NCOA7: variants seen among roughly 807,000 people sequenced by gnomAD.
NCOA7 encodes the protein 140 kDa estrogen receptor-associated protein.
A neutral mutation model predicts 104.3 loss-of-function variants in NCOA7; 45 were observed. The observed-to-expected ratio is 0.43, with a 90% confidence interval of 0.34 to 0.55. The LOEUF is 0.55. Among genes scored for constraint, NCOA7 ranks in the 20% least tolerant of loss-of-function variants. The pLI is 0.02. For missense variants in NCOA7, 1,041 were observed against 1,119.7 expected (o/e 0.93, Z 1.00); for synonymous variants, 398 against 402.3 (o/e 0.99, Z 0.13).
chr6:125,842,548 G>A (rs1322942844), intron 2 of NCOA7, among the ~76,000 whole-genome samples: 1 of 152,054 alleles, frequency 6.6e-6, no homozygotes, highest in Non-Finnish European at 1.5e-5. Flanking sequence ...ATTTAAAAAG[G>A]TTTCCTTTAC....
chr6:125,842,194 T>A (rs1290410237), intron 2 of NCOA7, among the ~76,000 whole-genome samples: 1 of 152,242 alleles, frequency 6.6e-6, no homozygotes, highest in African/African-American at 2.4e-5. Flanking sequence ...TATACTAAAC[T>A]GATTCGTTTC....
intron 10 of NCOA7, among the ~76,000 whole-genome samples, chr6:125,897,495 T>G (rs892918497): frequency 2.0e-5 from 3 of 152,214 alleles, no homozygotes; most frequent in Admixed American, 2.0e-4. Context: ...TTATTTTCTA[T>G]TCTCTATTAT....
rs1020734949 is a variant in NCOA7 at position 125,862,937 on chromosome 6, G to A, written c.271+7697G>A. ...TTGAACCCAGGATGCAGAGGTTGCA[G>A]TGAGTCAAGATTGTGCCACTGCATA... On this transcript the variant is annotated intron_variant, in intron 3 of 15. Coordinates refer to ENST00000392477, the MANE Select transcript of NCOA7 (RefSeq NM_181782.5). Among the ~76,000 whole-genome samples the A allele has an allele frequency of 1.4e-5, 2 of 139,134 alleles. 1 individual carries two copies. Among genetic ancestry groups the A allele is most frequent in the African/African-American group, 6.0e-5 (2 of 33,528 alleles). The allele number at this position is 139,134 out of a possible 152,430, so 91.3% of individuals were successfully genotyped here. A position where few individuals can be genotyped will look rare whatever the true frequency, so the allele number is the denominator to read the frequency against.
At chr6:125,908,986 C>T (rs1448993350) in intron 10 of NCOA7, among the ~76,000 whole-genome samples, 1 of 152,230 alleles carries the variant, frequency 6.6e-6, no homozygotes, top group Non-Finnish European at 1.5e-5. Context: ...TGCATGAACT[C>T]AGCATTCTCA....
Position 125,915,400 on chromosome 6 carries a change from C to T in NCOA7, c.2164C>T (p.Gln722Ter), listed in dbSNP as rs781556564. The change falls in exon 11 of 16, where the codon CAA (glutamine) becomes TAA (stop). Residue 722 changes from glutamine to a stop codon, truncating the protein, a stop_gained. Coordinates refer to ENST00000392477, the MANE Select transcript of NCOA7 (RefSeq NM_181782.5). LOFTEE classifies it high-confidence loss of function. ...TGTCTATGGAAAAGATGCCAAAGAG[C>T]AAGGCTTTGTGGTGGTGGAGAAGGA... ...PDVYGKDAKE[Q>*]GFVVVEKEEL... 1 of 1,613,846 alleles carries T rather than the reference C, an allele frequency of 6.2e-7. No homozygotes were observed. Among genetic ancestry groups the T allele is most frequent in the Non-Finnish European group, 8.5e-7 (1 of 1,179,820 alleles).
chr6:125,901,946 T>G (rs1785541484), intron 10 of NCOA7, among the ~76,000 whole-genome samples: 1 of 152,134 alleles, frequency 6.6e-6, no homozygotes, highest in African/African-American at 2.4e-5. Flanking sequence ...CGACCAAACT[T>G]CTCTCTGACT....
chr6:125,900,581 G>A (rs1370593259), intron 10 of NCOA7, among the ~76,000 whole-genome samples: 2 of 152,148 alleles, frequency 1.3e-5, no homozygotes, highest in African/African-American at 4.8e-5. Context: ...TGTACATTGT[G>A]AAATATACAT....
At chr6:125,836,742 T>G (rs528774300) in intron 2 of NCOA7, among the ~76,000 whole-genome samples, 6 of 152,118 alleles carry the variant, frequency 3.9e-5, no homozygotes, top group Non-Finnish European at 8.8e-5. Context: ...TAAAACCACA[T>G]AAACAAGTAC....
rs184653918 is a variant in NCOA7, at chr6:125,830,133, T to G, written c.50+14729T>G. On this transcript the variant is annotated intron_variant, in intron 2 of 15. Transcript: ENST00000392477. ...TTAGAGGGAAGTTGTTTTTAAATTT[T>G]TGGTTAAATTTTATTTCCTTTCAGC... is the stretch of plus-strand genomic sequence containing the variant. Among the ~76,000 whole-genome samples the G allele has an allele frequency of 1.3e-3, 205 of 152,374 alleles. 1 individual carries two copies. The highest frequency in any genetic ancestry group is 2.5e-3 in the Non-Finnish European group (168 of 68,038).
rs755782199 is a variant in NCOA7 at position 125,855,251 on chromosome 6, A to C, written c.271+11A>C. 31 of 1,564,744 alleles carry C rather than the reference A, an allele frequency of 2.0e-5. No homozygotes were observed. The highest frequency in any genetic ancestry group is 2.7e-5 in the Non-Finnish European group (31 of 1,140,840). On this transcript the variant is annotated intron_variant, in intron 3 of 15. Coordinates refer to ENST00000392477, the MANE Select transcript of NCOA7 (RefSeq NM_181782.5). ...GATATTATAGTATTGGTGAGTATTCATGGCGTTACTGCAGTATTTTCATTT... is the reference window on the plus strand; with the variant it reads ...GATATTATAGTATTGGTGAGTATTCCTGGCGTTACTGCAGTATTTTCATTT...
At chr6:125,821,106 G>A (rs1284554134) in intron 2 of NCOA7, among the ~76,000 whole-genome samples, 1 of 152,138 alleles carries the variant, frequency 6.6e-6, no homozygotes, top group Admixed American at 6.5e-5. Context: ...GCCAGGCAGG[G>A]ATTGGGTTTG....
rs1423513949 is a variant in NCOA7, at chr6:125,885,190, C to T, written c.731C>T (p.Pro244Leu). 4 of 1,613,886 alleles carry T rather than the reference C, an allele frequency of 2.5e-6. No individual in the cohort carries two copies. Among genetic ancestry groups the T allele is most frequent in the African/African-American group, 2.7e-5 (2 of 74,894 alleles). Residue 244 changes from proline (P) to leucine (L), a missense_variant, in exon 8 of 16, where the codon CCT becomes CTT. By Grantham distance (98) the Pro-to-Leu change is moderately conservative. Transcript: ENST00000392477. ...GTTGGCGGTGTTATGATAGTGACTC[C>T]TAACAACATCATGTTTGACCCTCAT... ...GVVGGVMIVTPNNIMFDPHKS... is the reference protein window; with the variant it reads ...GVVGGVMIVTLNNIMFDPHKS...
intron 1 of NCOA7, among the ~76,000 whole-genome samples, chr6:125,793,969 C>G (rs377757381): frequency 3.3e-5 from 5 of 152,214 alleles, no homozygotes; most frequent in African/African-American, 1.2e-4. Flanking sequence ...ATGATGTTTA[C>G]GGGGGGTTGG....
At chr6:125,786,836 A>G (rs562817666), upstream of NCOA7, among the ~76,000 whole-genome samples, 2 of 152,254 alleles carry the variant, frequency 1.3e-5, no homozygotes, top group South Asian at 4.1e-4. Context: ...TCGGCCTCCC[A>G]AAGTGCTGGG....
chr6:125,919,543 C>T (rs1787388200), intron 11 of NCOA7: 1 of 1,047,074 alleles, frequency 9.6e-7, no homozygotes, highest in African/African-American at 1.6e-5. Flanking sequence ...GCTGACATTT[C>T]TACCAGCAGG....
At position 125,857,442 on chromosome 6, in the gene NCOA7, T is replaced by TA. The variant is rs879470579; in HGVS notation, c.271+2202_271+2203insA. Among the ~76,000 whole-genome samples, 480 of 71,728 alleles carry TA rather than the reference T, an allele frequency of 6.7e-3. 2 individuals carry two copies. Among genetic ancestry groups the TA allele is most frequent in the Middle Eastern group, 0.015 (2 of 134 alleles). 47.1% of individuals were successfully genotyped at this position (71,728 alleles called of 152,430 possible). ...ACACACACACACATATATATATATATTTTTTTTTTTAAGAGAGAAAGATGG... is the reference window on the plus strand; with the variant it reads ...ACACACACACACATATATATATATATATTTTTTTTTTAAGAGAGAAAGATGG... On this transcript the variant is annotated intron_variant, in intron 3 of 15. Transcript: ENST00000392477.
At position 125,855,014 on chromosome 6, in the gene NCOA7, T is replaced by C. The variant is rs777014536; in HGVS notation, c.51-6T>C. The C allele has an allele frequency of 1.2e-5, 19 of 1,594,068 alleles. No homozygotes were observed. Among genetic ancestry groups the C allele is most frequent in the Non-Finnish European group, 1.5e-5 (18 of 1,173,132 alleles). ...ATGTTTTTTCTTTTTTTTCCCTCTT[T>C]CCTAGACTGAAAAAGAAAAAACAAG... is the stretch of plus-strand genomic sequence containing the variant. On this transcript the variant is annotated splice_region_variant and splice_polypyrimidine_tract_variant and intron_variant, in intron 2 of 15. Transcript: ENST00000392477.
chr6:125,927,541 A>T, intron 13 of NCOA7, 122 bp from the exon 14 acceptor site: 2 of 726,060 alleles, frequency 2.8e-6, no homozygotes. Flanking sequence ...TTTGAGTGCC[A>T]ATTTAGTAAT....
At chr6:125,812,950 A>G (rs1236903680) in intron 1 of NCOA7, among the ~76,000 whole-genome samples, 2 of 152,054 alleles carry the variant, frequency 1.3e-5, no homozygotes, top group Non-Finnish European at 2.9e-5. Context: ...TCCTCTTTCT[A>G]TGTCAACTAC....
Sources: gnomAD v4.1 joint callset for allele counts (sites outside exome capture counted in the v4.1 genomes callset) on GRCh38, gnomAD v4.1.1 for gene constraint, MANE v1.5 for transcripts, NCBI Gene and HGNC (gene_info 2026-07-23, HGNC 2026-07-21) for gene names.